Variants in RAMP1 observed in about 807,000 individuals in gnomAD.
RAMP1 encodes receptor activity-modifying protein 1.
In RAMP1, 7 loss-of-function variants were observed where a neutral mutation model predicts 8.2. The ratio of observed to expected loss-of-function variants is 0.85; its 90% confidence interval spans 0.49 to 1.60. RAMP1 has a LOEUF of 1.60. Ranked by LOEUF, RAMP1 falls within the 40% of genes most tolerant of loss-of-function variation. The pLI, the probability that RAMP1 is intolerant of heterozygous loss-of-function variation, is 0.00. For missense variants in RAMP1, 192 were observed against 202.4 expected (o/e 0.95, Z 0.31); for synonymous variants, 92 against 84.7 (o/e 1.09, Z -0.47).
chr2:237,874,056 G>A lies in RAMP1; in HGVS notation c.53-3168G>A, dbSNP rs544379591. On this transcript the variant is annotated intron_variant, in intron 1 of 2. Transcript: ENST00000254661. ...GGGAGGCAGAATGGCTCTAAGAGAG[G>A]TGGGGGATGCAGCATCCAGGAGGGA... is the stretch of plus-strand genomic sequence containing the variant. Among the ~76,000 whole-genome samples, 12 of 152,340 alleles carry A rather than the reference G, an allele frequency of 7.9e-5. No homozygotes were observed. The South Asian group carries it at 2.5e-3, about 32-fold the overall frequency.
chr2:237,892,214 T>C (rs2062493723), intron 2 of RAMP1, among the ~76,000 whole-genome samples: 1 of 152,146 alleles, frequency 6.6e-6, no homozygotes, highest in Non-Finnish European at 1.5e-5. Flanking sequence ...TATCTTTCCA[T>C]GCTGATTACT....
rs1001330677 is a variant in RAMP1, at chr2:237,878,238, G to A, written c.191+876G>A. 3.2e-6 allele frequency: 3 copies of A among 950,516 alleles called. No homozygotes were observed. Among genetic ancestry groups the A allele is most frequent in the Non-Finnish European group, 3.8e-6 (3 of 798,216 alleles). 58.9% of individuals were successfully genotyped at this position (950,516 alleles called of 1,614,324 possible). A position where few individuals can be genotyped will look rare whatever the true frequency, so the allele number is the denominator to read the frequency against. ...AGTCCTGGTGCCCCACCGATGACAA[G>A]CGCTTTCCCCAGTGCCTGAGAGAAA... On this transcript the variant is annotated intron_variant, in intron 2 of 2. Coordinates refer to ENST00000254661, the MANE Select transcript of RAMP1 (RefSeq NM_005855.4). This position sits in a 1 kb window ranked among gnomAD's most constrained non-coding sequence, Gnocchi z 5.7.
intron 2 of RAMP1, among the ~76,000 whole-genome samples, chr2:237,898,788 T>C (rs911741802): frequency 7.2e-5 from 11 of 152,192 alleles, no homozygotes; most frequent in Non-Finnish European, 1.5e-4. Context: ...AAAGACAAGC[T>C]GGCCCTGTGC....
chr2:237,911,591 C>T lies in RAMP1; in HGVS notation c.255C>T (p.Pro85=). ...HMAEKLGCFW[P]NAEVDRFFLA... is the part of the protein sequence containing the mutation. ...CGGAGAAGCTGGGCTGCTTCTGGCC[C>T]AATGCAGAGGTGGACAGGTTCTTCC... Residue 85 remains proline (P), a synonymous_variant, in exon 3 of 3, where the codon CCC becomes CCT. Coordinates refer to ENST00000254661, the MANE Select transcript of RAMP1 (RefSeq NM_005855.4). The T allele has an allele frequency of 6.2e-7, 1 of 1,614,166 alleles. No individual in the cohort carries two copies. Among genetic ancestry groups the T allele is most frequent in the Non-Finnish European group, 8.5e-7 (1 of 1,180,024 alleles).
rs542597510 is a variant in RAMP1 at position 237,891,150 on chromosome 2, TTC to T, written c.191+13792_191+13793del. Among the ~76,000 whole-genome samples the T allele has an allele frequency of 4.7e-3, 717 of 151,206 alleles. 4 individuals are homozygous for T. The highest frequency in any genetic ancestry group is 0.017 in the African/African-American group (685 of 40,932). ...TGATATGTCAGTTTTTTTCATTGTA[TTC>T]TCTTTTTTTTTTTTTGAGACGGAGT... On this transcript the variant is annotated intron_variant, in intron 2 of 2. Coordinates refer to ENST00000254661, the MANE Select transcript of RAMP1 (RefSeq NM_005855.4).
chr2:237,876,350 GC>G (rs2062303179), intron 1 of RAMP1, among the ~76,000 whole-genome samples: 1 of 152,186 alleles, frequency 6.6e-6, no homozygotes, highest in African/African-American at 2.4e-5. Context: ...GGGGCTGGGT[GC>G]CCCCAGCGTC....
At position 237,905,025 on chromosome 2, in the gene RAMP1, C is replaced by T. The variant is rs78841531; in HGVS notation, c.192-6503C>T. On this transcript the variant is annotated intron_variant, in intron 2 of 2. Transcript: ENST00000254661. Reference sequence around the variant, plus strand: ...AGCAAGTAACCATGAACAGTGGTGTCGGGCCTTGACTTGGGACCCAGATAT... The same window carrying T: ...AGCAAGTAACCATGAACAGTGGTGTTGGGCCTTGACTTGGGACCCAGATAT... Among the ~76,000 whole-genome samples the T allele has an allele frequency of 2.7e-3, 410 of 152,192 alleles. 4 individuals are homozygous for T. Among genetic ancestry groups the T allele is most frequent in the African/African-American group, 9.4e-3 (390 of 41,530 alleles).
chr2:237,887,194 G>C (rs1446470919), intron 2 of RAMP1, among the ~76,000 whole-genome samples: 1 of 152,194 alleles, frequency 6.6e-6, no homozygotes, highest in East Asian at 1.9e-4. Context: ...GGACAGAGCA[G>C]ATGTCCCCTC....
chr2:237,874,712 C>T, intron 1 of RAMP1: 1 of 982,898 alleles, frequency 1.0e-6, no homozygotes, highest in Non-Finnish European at 1.2e-6. Context: ...CCGGGTATGG[C>T]CATCTTATTT....
chr2:237,871,930 A>G (rs1018066442), intron 1 of RAMP1, among the ~76,000 whole-genome samples: 3 of 152,204 alleles, frequency 2.0e-5, no homozygotes, highest in Non-Finnish European at 4.4e-5. Context: ...ACTAACAATC[A>G]TTGAATTGTC....
intron 2 of RAMP1, among the ~76,000 whole-genome samples, chr2:237,909,866 G>A (rs910474368): frequency 6.6e-6 from 1 of 152,064 alleles, no homozygotes; most frequent in East Asian, 1.9e-4. Flanking sequence ...TAAGGGGCAG[G>A]GTGGGAATGA....
intron 2 of RAMP1, among the ~76,000 whole-genome samples, chr2:237,880,143 T>C (rs2062353084): frequency 6.6e-6 from 1 of 152,064 alleles, no homozygotes; most frequent in Non-Finnish European, 1.5e-5. Flanking sequence ...CATGCGTAAT[T>C]CCTGGAACTG....
At chr2:237,870,487 G>C (rs979381956) in intron 1 of RAMP1, among the ~76,000 whole-genome samples, 1 of 152,218 alleles carries the variant, frequency 6.6e-6, no homozygotes, top group Non-Finnish European at 1.5e-5. Context: ...TCCATTTTCT[G>C]TTTCTTAATA....
intron 2 of RAMP1, among the ~76,000 whole-genome samples, chr2:237,891,890 T>C (rs2062491565): frequency 6.6e-6 from 1 of 152,342 alleles, no homozygotes; most frequent in South Asian, 2.1e-4. Flanking sequence ...TCTGTCTTTA[T>C]GGCATTTAGA....
chr2:237,861,765 C>T (rs1460391648), intron 1 of RAMP1, among the ~76,000 whole-genome samples: 1 of 151,706 alleles, frequency 6.6e-6, no homozygotes, highest in Non-Finnish European at 1.5e-5. Context: ...GCAGGAGAAT[C>T]GCTTGAACTC....
chr2:237,906,077 G>T (rs972620860), intron 2 of RAMP1, among the ~76,000 whole-genome samples: 4 of 151,396 alleles, frequency 2.6e-5, no homozygotes, highest in African/African-American at 9.7e-5. Context: ...GGCTGGACTT[G>T]GTTTTCAGCA....
At chr2:237,902,295 A>ATCG (rs1559953248) in intron 2 of RAMP1, among the ~76,000 whole-genome samples, 1 of 73,608 alleles carries the variant, frequency 1.4e-5, no homozygotes, top group African/African-American at 5.1e-5. Context: ...AGGGATCGGG[A>ATCG]GGAGGAGGAG....
chr2:237,891,316 G>A (rs2062486484), intron 2 of RAMP1, among the ~76,000 whole-genome samples: 2 of 151,940 alleles, frequency 1.3e-5, no homozygotes, highest in South Asian at 2.1e-4. Flanking sequence ...ACGCCCGGCT[G>A]ATTTTTTGTA....
intron 2 of RAMP1, among the ~76,000 whole-genome samples, chr2:237,885,439 C>T (rs149738439): frequency 6.6e-6 from 1 of 152,252 alleles, no homozygotes; most frequent in South Asian, 2.1e-4. Context: ...TCGGTGCCCT[C>T]GTGGGTTTGT....
Sources: allele counts gnomAD v4.1 joint callset (sites outside exome capture counted in the v4.1 genomes callset), GRCh38; gene constraint gnomAD v4.1.1; non-coding constraint Gnocchi (gnomAD v3.1); transcripts MANE v1.5; gene names NCBI Gene and HGNC (gene_info 2026-07-23, HGNC 2026-07-21).